STIM2: variants seen among roughly 807,000 people sequenced by gnomAD.
STIM2 encodes stromal interaction molecule 2.
Under a neutral mutation model 85.8 loss-of-function variants are expected in STIM2, and 31 were observed. The observed-to-expected ratio is 0.36, with a 90% CI of 0.27 to 0.49. The LOEUF (loss-of-function observed/expected upper bound fraction) is 0.49. Ranked by LOEUF, STIM2 falls within the 20% of genes least tolerant of loss-of-function variation. The pLI, the probability that STIM2 is intolerant of heterozygous loss-of-function variation, is 0.98. For synonymous variants in STIM2, 356 were observed against 331.1 expected (o/e 1.08, Z -0.82); for missense variants, 841 against 927.6 (o/e 0.91, Z 1.21).
chr4:26,899,304 C>G (rs997212630), intron 1 of STIM2, among the ~76,000 whole-genome samples: 5 of 151,996 alleles, frequency 3.3e-5, no homozygotes, highest in African/African-American at 1.2e-4. Context: ...GTATTATTAT[C>G]CTTTTTGTGG....
chr4:26,972,540 G>A (rs573801618), intron 3 of STIM2, among the ~76,000 whole-genome samples: 15 of 152,186 alleles, frequency 9.9e-5, no homozygotes, highest in South Asian at 2.1e-4. Context: ...GCTGGATTAC[G>A]TTCATTGATT....
intron 2 of STIM2, among the ~76,000 whole-genome samples, chr4:26,932,238 G>A (rs929014926): frequency 2.6e-5 from 4 of 152,194 alleles, no homozygotes; most frequent in Non-Finnish European, 5.9e-5. Context: ...AGTGTTTCTT[G>A]TTTCTCTGTG....
intron 10 of STIM2, among the ~76,000 whole-genome samples, chr4:27,017,202 A>G (rs966164726): frequency 1.3e-5 from 2 of 152,226 alleles, no homozygotes; most frequent in African/African-American, 4.8e-5. Context: ...TGGGTGTTCA[A>G]GAAACAAGTT....
At position 27,002,267 on chromosome 4, in the gene STIM2, A is replaced by G; in HGVS notation, c.676A>G (p.Ile226Val). Reference sequence around the variant, plus strand: ...TTTTATCCTCACAGTTTCTATAGTAATTGGTGTTGGAGGCTGCTGGTTTGC... The same window carrying G: ...TTTTATCCTCACAGTTTCTATAGTAGTTGGTGTTGGAGGCTGCTGGTTTGC... Residue 226 changes from isoleucine to valine, a missense_variant, in exon 6 of 12, where the codon ATT becomes GTT. By Grantham distance (29) the Ile-to-Val change is conservative. Around this residue, in one of 3 missense-constraint regions of STIM2, gnomAD observed 408 missense variants for 525.4 expected, o/e 0.78. Coordinates refer to ENST00000467087, the MANE Select transcript of STIM2 (RefSeq NM_020860.4). 1 of 1,613,194 alleles carries G rather than the reference A, an allele frequency of 6.2e-7. No individual in the cohort carries two copies. The highest frequency in any genetic ancestry group is 2.2e-5 in the East Asian group (1 of 44,812).
intron 10 of STIM2, among the ~76,000 whole-genome samples, chr4:27,014,158 C>T (rs553849415): frequency 5.9e-5 from 9 of 151,698 alleles, no homozygotes; most frequent in African/African-American, 1.9e-4. Context: ...TCACTCTTGT[C>T]GAAATCCTGT....
intron 1 of STIM2, among the ~76,000 whole-genome samples, chr4:26,868,674 C>T (rs1188182407): frequency 1.3e-5 from 2 of 152,148 alleles, no homozygotes; most frequent in Non-Finnish European, 2.9e-5. Context: ...TTTTCTATTA[C>T]TGTCTTTTTT....
intron 3 of STIM2, among the ~76,000 whole-genome samples, chr4:26,970,217 ATATATG>A (rs1298963150): frequency 1.0e-4 from 1 of 9,634 alleles, no homozygotes; most frequent in African/African-American, 2.8e-4. Flanking sequence ...ATATATATAT[ATATATG>A]TATATATATA....
At chr4:26,892,374 A>C (rs1303915335) in intron 1 of STIM2, among the ~76,000 whole-genome samples, 1 of 152,120 alleles carries the variant, frequency 6.6e-6, no homozygotes, top group Admixed American at 6.5e-5. Context: ...TTGTATCTTC[A>C]TGTGGTGGAC....
At chr4:26,873,644 A>G (rs6448485) in intron 1 of STIM2, 354,100 of 624,500 alleles carry the variant, frequency 0.57, 103,302 homozygotes, top group African/African-American at 0.82. Flanking sequence ...CCTTAGTCAT[A>G]AATGAGAGAG....
At chr4:26,873,866 G>A in intron 1 of STIM2, 1 of 1,195,760 alleles carries the variant, frequency 8.4e-7, no homozygotes, top group Non-Finnish European at 1.2e-6. Flanking sequence ...CATCCGGGCA[G>A]AGAGGCAGTG....
At chr4:26,928,021 G>T (rs892364084) in intron 2 of STIM2, among the ~76,000 whole-genome samples, 1 of 151,772 alleles carries the variant, frequency 6.6e-6, no homozygotes, top group African/African-American at 2.4e-5. Context: ...CAAGGTGCTG[G>T]CAGGTTTGGT....
intron 2 of STIM2, among the ~76,000 whole-genome samples, chr4:26,946,390 C>G (rs1325923726): frequency 6.6e-6 from 1 of 152,226 alleles, no homozygotes; most frequent in Non-Finnish European, 1.5e-5. Context: ...CCTGTCCGTT[C>G]CCTTAATGTA....
chr4:26,945,140 C>A (rs1725770000), intron 2 of STIM2, among the ~76,000 whole-genome samples: 1 of 152,170 alleles, frequency 6.6e-6, no homozygotes, highest in Non-Finnish European at 1.5e-5. Context: ...TGTTCCCCTC[C>A]ATGTGTCCAT....
chr4:26,882,728 C>T (rs1577413599), intron 1 of STIM2, among the ~76,000 whole-genome samples: 1 of 152,146 alleles, frequency 6.6e-6, no homozygotes, highest in Non-Finnish European at 1.5e-5. Context: ...TCCCAAAGTG[C>T]TGGTATTACA....
rs1726180908 is a variant in STIM2 at position 26,954,767 on chromosome 4, A to C, written c.283-2845A>C. Among the ~76,000 whole-genome samples, 2 of 148,142 alleles carry C rather than the reference A, an allele frequency of 1.4e-5. 1 individual carries two copies. Among genetic ancestry groups the C allele is most frequent in the African/African-American group, 5.1e-5 (2 of 38,894 alleles). ...TCATTTAAACATTTTCTAAACAAAA[A>C]TATTTCTAATTATACTGGTTTCTAG... On this transcript the variant is annotated intron_variant, in intron 2 of 11. Transcript: ENST00000467087.
chr4:26,906,377 A>G (rs963037652), intron 1 of STIM2, among the ~76,000 whole-genome samples: 3 of 151,792 alleles, frequency 2.0e-5, no homozygotes, highest in African/African-American at 7.3e-5. Flanking sequence ...CCCCTGTGAC[A>G]CACAGTTTAC....
Position 26,971,829 on chromosome 4 carries a change from G to T in STIM2, c.397+14103G>T, listed in dbSNP as rs190051570. ...GCATTGAATCTATAAATTACCTTGG[G>T]CAGTATGGCCATTTTCATGATATTA... On this transcript the variant is annotated intron_variant, in intron 3 of 11. Transcript: ENST00000467087. 5.5e-3 allele frequency among the ~76,000 whole-genome samples: 832 copies of T among 152,264 alleles called. 7 individuals carry two copies. Among genetic ancestry groups the T allele is most frequent in the African/African-American group, 0.019 (790 of 41,544 alleles).
intron 3 of STIM2, among the ~76,000 whole-genome samples, chr4:26,982,645 C>T (rs1727443570): frequency 2.0e-5 from 3 of 152,090 alleles, no homozygotes; most frequent in African/African-American, 7.2e-5. Flanking sequence ...TCCAAGGAAC[C>T]CTGGTTATTT....
At chr4:26,953,583 T>A (rs769221679) in intron 2 of STIM2, among the ~76,000 whole-genome samples, 2 of 151,958 alleles carry the variant, frequency 1.3e-5, no homozygotes, top group African/African-American at 2.4e-5. Flanking sequence ...AAATTATGTA[T>A]CTAAAAATAG....
Sources: gnomAD v4.1 joint callset for allele counts (sites outside exome capture counted in the v4.1 genomes callset) on GRCh38, gnomAD v4.1.1 for gene constraint, gnomAD v4.1.1 regional missense constraint, MANE v1.5 for transcripts, NCBI Gene and HGNC (gene_info 2026-07-23, HGNC 2026-07-21) for gene names.